AKAP6: variants seen among roughly 807,000 people sequenced by gnomAD.
The protein encoded by AKAP6 is A-kinase anchor protein 6.
A neutral mutation model predicts 188.5 loss-of-function variants in AKAP6; 58 were observed. The ratio of observed to expected loss-of-function variants is 0.31; its 90% CI spans 0.25 to 0.38. AKAP6 has a LOEUF of 0.38. Among genes scored for constraint, AKAP6 ranks in the 10% least tolerant of loss-of-function variants. The pLI, the probability that AKAP6 is intolerant of heterozygous loss-of-function variation, is 1.00. For missense variants in AKAP6, 2,710 were observed against 2,740.0 expected (o/e 0.99, Z 0.24); for synonymous variants, 989 against 998.6 (o/e 0.99, Z 0.18).
At chr14:32,705,332 A>G (rs1890769467) in intron 9 of AKAP6, among the ~76,000 whole-genome samples, 1 of 152,192 alleles carries the variant, frequency 6.6e-6, no homozygotes, top group African/African-American at 2.4e-5. Context: ...TCTAGCTAAA[A>G]TAGAAAGGCA....
At chr14:32,696,875 T>C (rs1890426108) in intron 9 of AKAP6, among the ~76,000 whole-genome samples, 1 of 152,046 alleles carries the variant, frequency 6.6e-6, no homozygotes, top group Non-Finnish European at 1.5e-5. Flanking sequence ...TCCACTGAAA[T>C]ATCAGACTGC....
intron 1 of AKAP6, among the ~76,000 whole-genome samples, chr14:32,415,569 G>GTACA (rs1889630463): frequency 6.6e-6 from 1 of 152,106 alleles, no homozygotes; most frequent in South Asian, 2.1e-4. Context: ...ATGTTGAAGT[G>GTACA]TACAGTTCAA....
intron 10 of AKAP6, chr14:32,733,225 A>C (rs1006984041): frequency 4.5e-5 from 7 of 154,936 alleles, no homozygotes; most frequent in African/African-American, 1.7e-4. Flanking sequence ...GAGATGCAAG[A>C]ATCTGGCAAA....
intron 7 of AKAP6, among the ~76,000 whole-genome samples, chr14:32,654,597 A>C (rs902211143): frequency 1.3e-5 from 2 of 151,786 alleles, no homozygotes; most frequent in Non-Finnish European, 2.9e-5. Context: ...CTGCAATCCC[A>C]GCACTTTCAG....
chr14:32,565,310 A>T (rs1460624847), intron 4 of AKAP6, among the ~76,000 whole-genome samples: 1 of 152,126 alleles, frequency 6.6e-6, no homozygotes, highest in Non-Finnish European at 1.5e-5. Flanking sequence ...TGCTTCAAGA[A>T]AAACTGGAAA....
rs1215964855 is a variant in AKAP6, at chr14:32,568,841, C to A, written c.2347-8279C>A. On this transcript the variant is annotated intron_variant, in intron 4 of 13. Coordinates refer to ENST00000280979, the MANE Select transcript of AKAP6 (RefSeq NM_004274.5). This position sits in a 1 kb window ranked among gnomAD's most constrained non-coding sequence, Gnocchi z 6.2. ...GTAGTAAGTGCTCAGTTAATGTTAA[C>A]CTATTGTTTGTTCCAGTTTATTCCC... Among the ~76,000 whole-genome samples the A allele has an allele frequency of 6.6e-6, 1 of 152,140 alleles. No individual in the cohort carries two copies. Among genetic ancestry groups the A allele is most frequent in the Non-Finnish European group, 1.5e-5 (1 of 68,022 alleles).
At chr14:32,602,857 C>A (rs541911393) in intron 7 of AKAP6, among the ~76,000 whole-genome samples, 1 of 152,174 alleles carries the variant, frequency 6.6e-6, no homozygotes, top group Admixed American at 6.5e-5. Flanking sequence ...TCGCAGAGCC[C>A]GTGTTCATCA....
intron 1 of AKAP6, among the ~76,000 whole-genome samples, chr14:32,401,753 C>T (rs939759679): frequency 6.6e-6 from 1 of 152,206 alleles, no homozygotes; most frequent in African/African-American, 2.4e-5. Context: ...ATTTCCCAAT[C>T]AAGTCAACAT....
At chr14:32,698,214 A>G (rs1001999138) in intron 9 of AKAP6, among the ~76,000 whole-genome samples, 1 of 152,122 alleles carries the variant, frequency 6.6e-6, no homozygotes, top group African/African-American at 2.4e-5. Context: ...ATTGATGAGA[A>G]GAATTAATTT....
In AKAP6 at chr14:32,509,120, C is replaced by CT. The variant is rs368423502; in HGVS notation, c.325-26410dup. ...AGGCGTAAGCCACCATGCCCTGCCT[C>CT]TTTTTTTTTTTTTTTTTTTTTTTTG... On this transcript the variant is annotated intron_variant, in intron 2 of 13. Coordinates refer to ENST00000280979, the MANE Select transcript of AKAP6 (RefSeq NM_004274.5). Among the ~76,000 whole-genome samples, 741 of 94,704 alleles carry CT rather than the reference C, an allele frequency of 7.8e-3. 24 individuals carry two copies. Among genetic ancestry groups the CT allele is most frequent in the Middle Eastern group, 0.018 (2 of 110 alleles). The allele number at this position is 94,704 out of a possible 152,430, so 62.1% of individuals were successfully genotyped here.
At chr14:32,764,256 G>A (rs933719875) in intron 11 of AKAP6, among the ~76,000 whole-genome samples, 1 of 152,188 alleles carries the variant, frequency 6.6e-6, no homozygotes, top group Non-Finnish European at 1.5e-5. Context: ...TATGAAAAGT[G>A]TTCCATAAAT....
chr14:32,527,292 C>T (rs368347934), intron 2 of AKAP6, among the ~76,000 whole-genome samples: 16 of 152,278 alleles, frequency 1.1e-4, no homozygotes, highest in African/African-American at 3.9e-4. Context: ...TTAGCACTGA[C>T]TAATATTCTA....
At chr14:32,732,409 A>T in intron 9 of AKAP6, 45 bp from the exon 10 acceptor site, 1 of 1,565,104 alleles carries the variant, frequency 6.4e-7, no homozygotes, top group Non-Finnish European at 8.6e-7. Context: ...TTTTCTAAGA[A>T]CACCTCTCTC....
At chr14:32,346,666 G>A (rs558068599) in intron 1 of AKAP6, among the ~76,000 whole-genome samples, 13 of 152,150 alleles carry the variant, frequency 8.5e-5, no homozygotes, top group African/African-American at 3.1e-4. Flanking sequence ...CCGCCACCGC[G>A]CCTGGCTAAT....
chr14:32,577,274 T>C, intron 5 of AKAP6, 32 bp downstream of exon 5: 2 of 1,594,744 alleles, frequency 1.3e-6, no homozygotes, highest in Non-Finnish European at 1.7e-6. Flanking sequence ...TTGCTGTCAA[T>C]AATCAAAGGA....
At chr14:32,656,527 A>G (rs1046682811) in intron 7 of AKAP6, among the ~76,000 whole-genome samples, 9 of 152,158 alleles carry the variant, frequency 5.9e-5, no homozygotes, top group African/African-American at 2.2e-4. Flanking sequence ...TTCAGTCCTC[A>G]CTGGGCCTGG....
intron 8 of AKAP6, among the ~76,000 whole-genome samples, chr14:32,682,845 C>A (rs1889739806): frequency 6.6e-6 from 1 of 152,110 alleles, no homozygotes; most frequent in African/African-American, 2.4e-5. Flanking sequence ...GGTCTCTGGA[C>A]CACCAGCAGC....
Position 32,824,460 on chromosome 14 carries a change from C to T in AKAP6, c.6647C>T (p.Pro2216Leu). The change falls in exon 13 of 14, where the codon CCT becomes CTT. Residue 2216 changes from proline (P) to leucine (L), a missense_variant. Pro to Leu is a moderately conservative substitution (Grantham distance 98, BLOSUM62 -3). Transcript: ENST00000280979. ...GCAGATACAGTGGCTCTTTCAAGTC[C>T]TTCCTCTCAGGAAAGAGCTGAGGTT... ...DDADTVALSS[P>L]SSQERAEVGK... The T allele has an allele frequency of 6.2e-7, 1 of 1,613,970 alleles. No homozygotes were observed. Among genetic ancestry groups the T allele is most frequent in the Non-Finnish European group, 8.5e-7 (1 of 1,179,956 alleles).
chr14:32,821,837 G>T lies in AKAP6; in HGVS notation c.4024G>T (p.Gly1342Cys). 6.2e-7 allele frequency: 1 copy of T among 1,613,802 alleles called. No homozygotes were observed. The highest frequency in any genetic ancestry group is 8.5e-7 in the Non-Finnish European group (1 of 1,179,942). ...STKSLPDLLG[G>C]SNLVKPCACH... is the part of the protein sequence containing the mutation. ...CAAATCTTTGCCAGATCTTCTAGGT[G>T]GTTCCAATTTGGTAAAGCCCTGCGC... Residue 1342 changes from glycine (G) to cysteine (C), a missense_variant, in exon 13 of 14, where the codon GGT becomes TGT. Gly to Cys is a radical substitution (Grantham distance 159). This residue lies in a region of AKAP6 where 2,473 missense variants were observed against 2,426.1 expected (regional missense o/e 1.02). Transcript: ENST00000280979.
Sources: allele counts gnomAD v4.1 joint callset (sites outside exome capture counted in the v4.1 genomes callset), GRCh38; gene constraint gnomAD v4.1.1; regional missense constraint gnomAD v4.1.1; non-coding constraint Gnocchi (gnomAD v3.1); transcripts MANE v1.5; gene names NCBI Gene and HGNC (gene_info 2026-07-23, HGNC 2026-07-21).